Variants in DOK6 observed in about 807,000 individuals in gnomAD.
The protein encoded by DOK6 is docking protein 6, also known as downstream of tyrosine kinase 6.
DOK6 carries 22 observed loss-of-function variants against 44.0 expected under a neutral mutation model. That is an observed-to-expected ratio of 0.50 (90% CI 0.36 to 0.71). The LOEUF (loss-of-function observed/expected upper bound fraction) is 0.71. Ranked by LOEUF, DOK6 falls within the 30% of genes least tolerant of loss-of-function variation. DOK6 has a pLI of 0.00. For missense variants in DOK6, 340 were observed against 416.4 expected (o/e 0.82, Z 1.60); for synonymous variants, 166 against 145.5 (o/e 1.14, Z -1.01).
At chr18:69,488,471 A>T (rs1980645267) in intron 1 of DOK6, among the ~76,000 whole-genome samples, 1 of 152,144 alleles carries the variant, frequency 6.6e-6, no homozygotes, top group African/African-American at 2.4e-5. Context: ...CATGTGTTTT[A>T]GTCCGTTTTA....
chr18:69,452,138 A>T (rs1311225141), intron 1 of DOK6, among the ~76,000 whole-genome samples: 1 of 152,120 alleles, frequency 6.6e-6, no homozygotes, highest in Non-Finnish European at 1.5e-5. Flanking sequence ...GTTTTTGGAA[A>T]GGATCAACAA....
At chr18:69,807,055 G>T (rs548479502) in intron 7 of DOK6, among the ~76,000 whole-genome samples, 2 of 151,992 alleles carry the variant, frequency 1.3e-5, no homozygotes, top group Non-Finnish European at 2.9e-5. Context: ...ATCACAAAAT[G>T]TCAAAGCCTA....
intron 3 of DOK6, among the ~76,000 whole-genome samples, chr18:69,617,855 A>C (rs1736843132): frequency 6.6e-6 from 1 of 152,300 alleles, no homozygotes; most frequent in South Asian, 2.1e-4. Context: ...CACAAAACGC[A>C]TGTTCAGGTC....
chr18:69,629,780 T>C (rs563957421), intron 3 of DOK6, among the ~76,000 whole-genome samples: 3 of 150,872 alleles, frequency 2.0e-5, no homozygotes, highest in African/African-American at 7.3e-5. Flanking sequence ...TTTTTGTTTG[T>C]TTGTTTTTGT....
chr18:69,544,606 T>C (rs1982353076), intron 1 of DOK6, among the ~76,000 whole-genome samples: 3 of 151,516 alleles, frequency 2.0e-5, no homozygotes, highest in African/African-American at 7.3e-5. Flanking sequence ...ATAGTTGTGC[T>C]CAGGCCACAG....
At chr18:69,545,048 G>A (rs1481041543) in intron 1 of DOK6, among the ~76,000 whole-genome samples, 2 of 150,502 alleles carry the variant, frequency 1.3e-5, no homozygotes, top group Non-Finnish European at 3.0e-5. Context: ...TTGAACCCGG[G>A]GGTGGAGGTT....
At chr18:69,541,439 A>G (rs984134195) in intron 1 of DOK6, among the ~76,000 whole-genome samples, 1 of 151,558 alleles carries the variant, frequency 6.6e-6, no homozygotes, top group African/African-American at 2.4e-5. Context: ...GCATTATTAT[A>G]TATTTTAAAA....
intron 3 of DOK6, among the ~76,000 whole-genome samples, chr18:69,668,580 G>A (rs1221151204): frequency 1.3e-5 from 2 of 152,126 alleles, no homozygotes; most frequent in African/African-American, 2.4e-5. Flanking sequence ...TGTGGTAGGA[G>A]TTTATTTTCC....
At chr18:69,556,362 G>A (rs761624338) in intron 1 of DOK6, among the ~76,000 whole-genome samples, 1 of 152,022 alleles carries the variant, frequency 6.6e-6, no homozygotes. Context: ...ATTCTTTCAT[G>A]TTCTCTAATG....
chr18:69,817,431 T>C (rs1443083666), intron 7 of DOK6, among the ~76,000 whole-genome samples: 1 of 152,184 alleles, frequency 6.6e-6, no homozygotes, highest in Admixed American at 6.5e-5. Flanking sequence ...TACCACAGAC[T>C]GGGTGGTGTA....
At chr18:69,418,945 G>A (rs949040971) in intron 1 of DOK6, among the ~76,000 whole-genome samples, 1 of 151,990 alleles carries the variant, frequency 6.6e-6, no homozygotes, top group Non-Finnish European at 1.5e-5. Flanking sequence ...TCATTTTATG[G>A]TTCTCTCTTT....
chr18:69,561,601 A>C (rs1982833730), intron 1 of DOK6, among the ~76,000 whole-genome samples: 1 of 152,088 alleles, frequency 6.6e-6, no homozygotes, highest in African/African-American at 2.4e-5. Flanking sequence ...CTAAAGGAGT[A>C]ATATAGTTCA....
chr18:69,645,949 G>T (rs1396098112), intron 3 of DOK6, among the ~76,000 whole-genome samples: 2 of 152,102 alleles, frequency 1.3e-5, no homozygotes, highest in East Asian at 3.9e-4. Flanking sequence ...TGTATTTTGT[G>T]ATCGAGGAGT....
chr18:69,817,259 T>A (rs1023744), intron 7 of DOK6, among the ~76,000 whole-genome samples: 1 of 152,084 alleles, frequency 6.6e-6, no homozygotes, highest in African/African-American at 2.4e-5. Flanking sequence ...ATTTCAGATA[T>A]GTTTCAACTT....
chr18:69,526,301 A>G lies in DOK6; in HGVS notation c.67-38186A>G, dbSNP rs1180308745. ...ACTGGTTTCTGTTTATTTGTCTATT[A>G]CAGACATTTCATATAAATGGAATGT... On this transcript the variant is annotated intron_variant, in intron 1 of 7. Transcript: ENST00000382713. Among the ~76,000 whole-genome samples, 4 of 152,248 alleles carry G rather than the reference A, an allele frequency of 2.6e-5. No individual in the cohort carries two copies. In the East Asian group the frequency reaches 7.7e-4, roughly 29 times the overall value.
At chr18:69,435,026 G>GGAAA (rs1651761047) in intron 1 of DOK6, among the ~76,000 whole-genome samples, 1 of 23,978 alleles carries the variant, frequency 4.2e-5, no homozygotes, top group Non-Finnish European at 1.2e-4. Context: ...AGGGAGGGAG[G>GGAAA]GAAGGAAGGA....
At chr18:69,738,841 C>T in intron 5 of DOK6, 124 bp from the exon 6 acceptor site, 1 of 1,202,254 alleles carries the variant, frequency 8.3e-7, no homozygotes, top group East Asian at 2.4e-5. Flanking sequence ...GCTGAATCAG[C>T]CTCACTAACT....
At chr18:69,569,063 G>C (rs996039735) in intron 2 of DOK6, among the ~76,000 whole-genome samples, 1 of 151,748 alleles carries the variant, frequency 6.6e-6, no homozygotes, top group African/African-American at 2.4e-5. Flanking sequence ...CAAACCCCCT[G>C]GTCCATGGAA....
chr18:69,548,175 G>A (rs895645734), intron 1 of DOK6, among the ~76,000 whole-genome samples: 2 of 150,598 alleles, frequency 1.3e-5, no homozygotes, highest in South Asian at 2.1e-4. Context: ...GGATGGTCTC[G>A]ATCTCCTGAC....
Sources: allele counts gnomAD v4.1 joint callset (sites outside exome capture counted in the v4.1 genomes callset), GRCh38; gene constraint gnomAD v4.1.1; transcripts MANE v1.5; gene names NCBI Gene and HGNC (gene_info 2026-07-23, HGNC 2026-07-21).